ITSN1: variants seen among roughly 807,000 people sequenced by gnomAD.
ITSN1 encodes the protein intersectin-1.
ITSN1 carries 58 observed loss-of-function variants against 239.8 expected under a neutral mutation model. The ratio of observed to expected loss-of-function variants is 0.24; its 90% confidence interval spans 0.20 to 0.30. ITSN1 has a LOEUF of 0.30. Ranked by LOEUF, ITSN1 falls within the 10% of genes least tolerant of loss-of-function variation. The probability of loss-of-function intolerance (pLI) is 1.00; values close to 1 mark genes in which losing one functional copy is unlikely to be tolerated. For missense variants in ITSN1, 1,558 were observed against 2,103.3 expected (o/e 0.74, Z 5.07); for synonymous variants, 780 against 770.8 (o/e 1.01, Z -0.20).
intron 29 of ITSN1, 51 bp from the exon 30 acceptor site, chr21:33,856,685 G>T: frequency 6.2e-7 from 1 of 1,611,468 alleles, no homozygotes; most frequent in Non-Finnish European, 8.5e-7. Flanking sequence ...GTGAAGTTGT[G>T]TGGGCTTCCC....
intron 12 of ITSN1, among the ~76,000 whole-genome samples, chr21:33,773,406 G>A (rs2069333264): frequency 6.6e-6 from 1 of 152,090 alleles, no homozygotes; most frequent in Non-Finnish European, 1.5e-5. Flanking sequence ...ACCTGGAAAG[G>A]GGCTAAGCAA....
At chr21:33,714,013 G>A (rs1430205017) in intron 1 of ITSN1, among the ~76,000 whole-genome samples, 1 of 151,680 alleles carries the variant, frequency 6.6e-6, no homozygotes, top group Non-Finnish European at 1.5e-5. Flanking sequence ...TTTTTGTTTG[G>A]TGGAGACGGG....
chr21:33,807,369 C>T (rs562573574), intron 20 of ITSN1, among the ~76,000 whole-genome samples: 5 of 152,306 alleles, frequency 3.3e-5, no homozygotes, highest in South Asian at 2.1e-4. Context: ...ACCAGTGTCT[C>T]GCTCTGTTAC....
chr21:33,680,116 A>C (rs2090854366), intron 1 of ITSN1, among the ~76,000 whole-genome samples: 1 of 151,970 alleles, frequency 6.6e-6, no homozygotes, highest in South Asian at 2.1e-4. Flanking sequence ...TTTGCATTTT[A>C]TTGTTTCTAA....
chr21:33,721,308 G>A, intron 3 of ITSN1, 38 bp downstream of exon 3: 1 of 1,280,356 alleles, frequency 7.8e-7, no homozygotes, highest in Non-Finnish European at 1.1e-6. Context: ...TTACTTATCA[G>A]TAGTGCAGAT....
chr21:33,817,925 C>A (rs1396888743), intron 22 of ITSN1: 9 of 336,368 alleles, frequency 2.7e-5, no homozygotes. Context: ...GGGGAGGTGT[C>A]CCGGGCAACT....
At chr21:33,662,463 T>A (rs1443006586) in intron 1 of ITSN1, among the ~76,000 whole-genome samples, 1 of 152,210 alleles carries the variant, frequency 6.6e-6, no homozygotes, top group African/African-American at 2.4e-5. Context: ...AAATGAAACA[T>A]TTGAGCAAAT....
chr21:33,643,728 G>A (rs557262775), intron 1 of ITSN1: 18 of 152,236 alleles, frequency 1.2e-4, no homozygotes, highest in African/African-American at 4.3e-4. Flanking sequence ...GATACATGCA[G>A]GCTCCGGCCA....
intron 3 of ITSN1, among the ~76,000 whole-genome samples, chr21:33,721,569 G>A (rs1172581945): frequency 6.6e-6 from 1 of 152,004 alleles, no homozygotes; most frequent in Non-Finnish European, 1.5e-5. Flanking sequence ...GCCGAGGTGG[G>A]CAGATCCCTT....
chr21:33,816,000 G>C (rs113438373), intron 22 of ITSN1, among the ~76,000 whole-genome samples: 512 of 152,032 alleles, frequency 3.4e-3, no homozygotes, highest in Non-Finnish European at 5.7e-3. Flanking sequence ...TGGCCAACGT[G>C]GTGAAACCTC....
At chr21:33,802,779 A>T (rs905047882) in intron 20 of ITSN1, among the ~76,000 whole-genome samples, 20 of 152,204 alleles carry the variant, frequency 1.3e-4, no homozygotes, top group Non-Finnish European at 2.2e-4. Flanking sequence ...TGGGAAAAAA[A>T]TTTTTTTAAG....
chr21:33,738,373 T>C (rs1464733878), intron 5 of ITSN1, among the ~76,000 whole-genome samples: 2 of 152,030 alleles, frequency 1.3e-5, no homozygotes, highest in Non-Finnish European at 2.9e-5. Flanking sequence ...GCCATATTTC[T>C]AACAAAGGAG....
At position 33,772,333 on chromosome 21, in the gene ITSN1, C is replaced by T. The variant is rs566519052; in HGVS notation, c.1305+10C>T. The T allele has an allele frequency of 1.2e-5, 18 of 1,550,964 alleles. No homozygotes were observed. The highest frequency in any genetic ancestry group is 1.8e-4 in the Middle Eastern group (1 of 5,548). ...AATTGAGAGGCGAGAGGTAAGCAGG[C>T]GAGAGTGGAGCCACCCGGAGTTAGT... On this transcript the variant is annotated intron_variant, in intron 12 of 39. Coordinates refer to ENST00000381318, the MANE Select transcript of ITSN1 (RefSeq NM_003024.3).
intron 1 of ITSN1, among the ~76,000 whole-genome samples, chr21:33,656,171 C>G (rs983293333): frequency 6.6e-6 from 1 of 152,084 alleles, no homozygotes; most frequent in Non-Finnish European, 1.5e-5. Flanking sequence ...GAAACGTGTA[C>G]TCTCATTGGC....
chr21:33,799,244 A>T (rs1446641184), intron 18 of ITSN1, among the ~76,000 whole-genome samples: 1 of 152,242 alleles, frequency 6.6e-6, no homozygotes, highest in Non-Finnish European at 1.5e-5. Context: ...TTATTTCCCA[A>T]AGAAATGTAG....
intron 31 of ITSN1, among the ~76,000 whole-genome samples, chr21:33,862,853 T>A (rs1200035417): frequency 1.3e-5 from 2 of 152,228 alleles, no homozygotes; most frequent in Non-Finnish European, 2.9e-5. Flanking sequence ...GTTTGACACA[T>A]AGGAAGCATT....
chr21:33,775,201 G>A (rs934941730), intron 14 of ITSN1, 93 bp downstream of exon 14: 1 of 1,381,526 alleles, frequency 7.2e-7, no homozygotes, highest in African/African-American at 1.5e-5. Flanking sequence ...TAAACATTAA[G>A]CAACTGTCTT....
rs1602292961 is a variant in ITSN1, at chr21:33,797,569, C to T, written c.2143C>T (p.Pro715Ser). The change falls in exon 18 of 40, where the codon CCA becomes TCA. Residue 715 changes from proline to serine, a missense_variant. Pro to Ser is a moderately conservative substitution (Grantham distance 74). This residue lies in a region of ITSN1 where 982 missense variants were observed against 1,209.9 expected (regional missense o/e 0.81). Transcript: ENST00000381318. This position sits in a 1 kb window ranked among gnomAD's most constrained non-coding sequence, Gnocchi z 4.9. ...TCGGCTTTTCCATCAACACCAAGAA[C>T]CAGCTAAGCCAGCTGTCCAGGCACC... ...LGRLFHQHQE[P>S]AKPAVQAPWS... The T allele has an allele frequency of 4.3e-6, 7 of 1,614,056 alleles. No homozygotes were observed. The highest frequency in any genetic ancestry group is 5.9e-6 in the Non-Finnish European group (7 of 1,179,936).
intron 12 of ITSN1, among the ~76,000 whole-genome samples, chr21:33,772,805 C>T (rs1198311685): frequency 1.3e-5 from 2 of 152,058 alleles, no homozygotes; most frequent in Admixed American, 6.6e-5. Context: ...ATGTTATGAA[C>T]ATTAATGTAC....
Sources: gnomAD v4.1 joint callset for allele counts (sites outside exome capture counted in the v4.1 genomes callset) on GRCh38, gnomAD v4.1.1 for gene constraint, gnomAD v4.1.1 regional missense constraint, Gnocchi (gnomAD v3.1) non-coding constraint, MANE v1.5 for transcripts, NCBI Gene and HGNC (gene_info 2026-07-23, HGNC 2026-07-21) for gene names.